PDE10A: variants seen among roughly 807,000 people sequenced by gnomAD.
PDE10A encodes the protein phosphodiesterase 10A, also known as cAMP and cAMP-inhibited cGMP 3',5'-cyclic phosphodiesterase 10A.
PDE10A carries 39 observed loss-of-function variants against 97.7 expected under a neutral mutation model. The ratio of observed to expected loss-of-function variants is 0.40; its 90% CI spans 0.31 to 0.52. The LOEUF (loss-of-function observed/expected upper bound fraction) is 0.52. Ranked by LOEUF, PDE10A falls within the 20% of genes least tolerant of loss-of-function variation. PDE10A has a pLI of 0.56. For synonymous variants in PDE10A, 371 were observed against 376.8 expected (o/e 0.98, Z 0.18); for missense variants, 731 against 1,047.8 (o/e 0.70, Z 4.17).
At chr6:165,579,013 C>T (rs1166707493) in intron 1 of PDE10A, among the ~76,000 whole-genome samples, 5 of 152,154 alleles carry the variant, frequency 3.3e-5, no homozygotes, top group Admixed American at 6.5e-5. Context: ...ACAGACAAGA[C>T]GGAAAGGGCA....
Position 165,864,991 on chromosome 6 carries a change from A to G in PDE10A, c.-615+122538T>C, listed in dbSNP as rs554336521. 4.6e-5 allele frequency among the ~76,000 whole-genome samples: 7 copies of G among 152,358 alleles called. No individual in the cohort carries two copies. In the South Asian group the frequency reaches 8.3e-4, roughly 18 times the overall value. ...CTTTACTCTTTAAAATATTTTTTCT[A>G]TACAGTCTTAGTTATCTTTAAAATG... On this transcript the variant is annotated intron_variant, in intron 1 of 19. Coordinates refer to the PDE10A transcript ENST00000366882.
intron 1 of PDE10A, among the ~76,000 whole-genome samples, chr6:165,571,505 G>A (rs977087224): frequency 6.6e-6 from 1 of 152,150 alleles, no homozygotes; most frequent in Non-Finnish European, 1.5e-5. Flanking sequence ...TCACTGCTAT[G>A]GATAATGTTA....
At chr6:165,525,769 A>T (rs1320679375) in intron 2 of PDE10A, among the ~76,000 whole-genome samples, 1 of 152,216 alleles carries the variant, frequency 6.6e-6, no homozygotes, top group Admixed American at 6.5e-5. Flanking sequence ...GTGGGTGTAG[A>T]TACTATAATG....
At chr6:165,705,050 C>T (rs1791673286) in intron 1 of PDE10A, among the ~76,000 whole-genome samples, 1 of 152,234 alleles carries the variant, frequency 6.6e-6, no homozygotes, top group African/African-American at 2.4e-5. Context: ...GCCCTGTTCC[C>T]ACACAGGGTG....
At chr6:165,518,437 C>T (rs114775583) in intron 2 of PDE10A, among the ~76,000 whole-genome samples, 2 of 152,158 alleles carry the variant, frequency 1.3e-5, no homozygotes, top group African/African-American at 2.4e-5. Context: ...ATTCTGCCCA[C>T]GACATGAATT....
chr6:165,732,491 T>G (rs1006287614), intron 1 of PDE10A, among the ~76,000 whole-genome samples: 1 of 152,182 alleles, frequency 6.6e-6, no homozygotes, highest in African/African-American at 2.4e-5. Flanking sequence ...CAGTCGCAGG[T>G]GGGCGACTCC....
At chr6:165,446,499 A>T (rs956217033) in intron 5 of PDE10A, among the ~76,000 whole-genome samples, 18 of 152,324 alleles carry the variant, frequency 1.2e-4, no homozygotes, top group African/African-American at 4.1e-4. Flanking sequence ...GGAATGCATA[A>T]AGGGCAAAAT....
chr6:165,782,546 C>A (rs906549929), intron 1 of PDE10A, among the ~76,000 whole-genome samples: 10 of 152,156 alleles, frequency 6.6e-5, no homozygotes, highest in Non-Finnish European at 1.2e-4. Flanking sequence ...CACTATTTTT[C>A]ATTTGACCTT....
intron 1 of PDE10A, among the ~76,000 whole-genome samples, chr6:165,782,538 C>G (rs562823425): frequency 1.3e-5 from 2 of 152,340 alleles, no homozygotes; most frequent in African/African-American, 4.8e-5. Context: ...TGTGGTTTCA[C>G]TATTTTTCAT....
At chr6:165,348,291 G>A (rs499235) in intron 18 of PDE10A, among the ~76,000 whole-genome samples, 85,595 of 151,960 alleles carry the variant, frequency 0.56, 25,437 homozygotes, top group African/African-American at 0.76. Context: ...AAAACTACCA[G>A]CAACTTCCAT....
intron 13 of PDE10A, among the ~76,000 whole-genome samples, chr6:165,409,174 A>C (rs1787499869): frequency 6.6e-6 from 1 of 151,812 alleles, no homozygotes; most frequent in South Asian, 2.1e-4. Flanking sequence ...CAAAAAAAAA[A>C]AAAAAAAAGA....
chr6:165,539,874 C>T (rs1196850941), intron 2 of PDE10A, among the ~76,000 whole-genome samples: 2 of 152,044 alleles, frequency 1.3e-5, no homozygotes, highest in Admixed American at 1.3e-4. Flanking sequence ...TGCAGTGAGC[C>T]GAGAGCACAC....
chr6:165,460,575 C>A lies in PDE10A; in HGVS notation c.1024-10213G>T, dbSNP rs1261069037. Among the ~76,000 whole-genome samples, 3 of 152,182 alleles carry A rather than the reference C, an allele frequency of 2.0e-5. 1 individual carries two copies. In the East Asian group the frequency reaches 5.8e-4, roughly 29 times the overall value. On this transcript the variant is annotated intron_variant, in intron 3 of 21. Transcript: ENST00000539869. ...ACAGGAGCAGACATTTCCATCATTT[C>A]TCTACAGCACTGGCCGTCCGATTGG...
At chr6:165,706,064 A>G (rs1430030922) in intron 1 of PDE10A, among the ~76,000 whole-genome samples, 1 of 152,206 alleles carries the variant, frequency 6.6e-6, no homozygotes, top group African/African-American at 2.4e-5. Flanking sequence ...CACCAGTGAC[A>G]GTAGCACATC....
chr6:165,715,919 C>T (rs1388175606), intron 1 of PDE10A, among the ~76,000 whole-genome samples: 1 of 152,232 alleles, frequency 6.6e-6, no homozygotes, highest in Non-Finnish European at 1.5e-5. Context: ...GTCAGGTCTC[C>T]TCTTCTTATT....
At chr6:165,630,643 C>T (rs1036550584) in intron 1 of PDE10A, among the ~76,000 whole-genome samples, 1 of 152,112 alleles carries the variant, frequency 6.6e-6, no homozygotes, top group Non-Finnish European at 1.5e-5. Flanking sequence ...ACCACCATGG[C>T]TTATGCTGGT....
chr6:165,651,982 T>G (rs1789709349), intron 1 of PDE10A, among the ~76,000 whole-genome samples: 2 of 152,330 alleles, frequency 1.3e-5, no homozygotes, highest in Admixed American at 6.5e-5. Context: ...AACACTTTTC[T>G]GTTCTGTTGC....
At chr6:165,349,949 A>G (rs1300608094) in intron 18 of PDE10A, among the ~76,000 whole-genome samples, 1 of 152,224 alleles carries the variant, frequency 6.6e-6, no homozygotes, top group Non-Finnish European at 1.5e-5. Context: ...AAAAGCCTGG[A>G]TGTCCAGGCA....
At chr6:165,433,233 A>T in intron 6 of PDE10A, 104 bp from the exon 7 acceptor site, 2 of 797,378 alleles carry the variant, frequency 2.5e-6, no homozygotes, top group Non-Finnish European at 4.0e-6. Flanking sequence ...ATCAATAATA[A>T]GCAGTACTTT....
Sources: gnomAD v4.1 joint callset for allele counts (sites outside exome capture counted in the v4.1 genomes callset) on GRCh38, gnomAD v4.1.1 for gene constraint, MANE v1.5 for transcripts, NCBI Gene and HGNC (gene_info 2026-07-23, HGNC 2026-07-21) for gene names.